Variants in ATP2B1 observed in about 807,000 individuals in gnomAD.
ATP2B1 encodes the protein plasma membrane calcium-transporting ATPase 1.
Under a neutral mutation model 124.2 loss-of-function variants are expected in ATP2B1, and 14 were observed. The observed-to-expected ratio is 0.11, with a 90% CI of 0.07 to 0.18. ATP2B1 has a LOEUF of 0.18. ATP2B1 is among the 10% of genes least tolerant of loss of function. The pLI, the probability that ATP2B1 is intolerant of heterozygous loss-of-function variation, is 1.00. For synonymous variants in ATP2B1, 449 were observed against 492.4 expected, an observed-to-expected ratio of 0.91 and a Z score of 1.17; for missense variants, 763 against 1,466.1, an observed-to-expected ratio of 0.52 and a Z score of 7.83.
At chr12:89,708,429 G>A (rs915306807) in intron 1 of ATP2B1, among the ~76,000 whole-genome samples, 167 bp downstream of exon 1, 2 of 152,194 alleles carry the variant, frequency 1.3e-5, no homozygotes, top group East Asian at 1.9e-4. Flanking sequence ...ACCTGCGAGG[G>A]GCCCCGACCG....
chr12:89,605,450 G>GC (rs1876659560), intron 15 of ATP2B1, among the ~76,000 whole-genome samples: 1 of 152,106 alleles, frequency 6.6e-6, no homozygotes, highest in African/African-American at 2.4e-5. Flanking sequence ...ACCCCCTCTT[G>GC]CTTTTGTGCT....
At chr12:89,667,874 T>A (rs1887500269) in intron 1 of ATP2B1, among the ~76,000 whole-genome samples, 1 of 152,130 alleles carries the variant, frequency 6.6e-6, no homozygotes, top group African/African-American at 2.4e-5. Context: ...TTTCACAGAA[T>A]TAGAAAAAAT....
intron 2 of ATP2B1, among the ~76,000 whole-genome samples, chr12:89,654,268 C>T (rs1885676333): frequency 6.6e-6 from 1 of 152,170 alleles, no homozygotes; most frequent in Admixed American, 6.5e-5. Flanking sequence ...AAATTACTGT[C>T]TATTCAAGTC....
chr12:89,590,848 T>A lies in ATP2B1; in HGVS notation c.*136A>T. On this transcript the variant is annotated 3_prime_UTR_variant, in exon 21 of 21. Coordinates refer to ENST00000428670, the MANE Select transcript of ATP2B1 (RefSeq NM_001366521.1). ...GCTTTTTTTTTTTTAAAAAAATAAA[T>A]CTACATTCGTACAAGTGTGTCTTCT... The A allele has an allele frequency of 1.1e-6, 1 of 912,390 alleles. No homozygotes were observed. The highest frequency in any genetic ancestry group is 1.6e-6 in the Non-Finnish European group (1 of 618,796). 56.5% of individuals were successfully genotyped at this position (912,390 alleles called of 1,614,324 possible).
At chr12:89,626,753 G>T in intron 7 of ATP2B1, 138 bp from the exon 8 acceptor site, 2 of 924,350 alleles carry the variant, frequency 2.2e-6, no homozygotes, top group Admixed American at 3.5e-5. Context: ...GTGTGTGTGT[G>T]TGTCTACACA....
intron 1 of ATP2B1, among the ~76,000 whole-genome samples, chr12:89,662,333 AAT>A (rs1225915307): frequency 6.6e-6 from 1 of 152,216 alleles, no homozygotes; most frequent in African/African-American, 2.4e-5. Context: ...GCTTGCATGT[AAT>A]ATCTCACTCT....
chr12:89,628,872 C>T (rs1411872788), intron 6 of ATP2B1, among the ~76,000 whole-genome samples: 2 of 152,086 alleles, frequency 1.3e-5, no homozygotes, highest in Non-Finnish European at 2.9e-5. Flanking sequence ...ACAGTCCAGG[C>T]CACTGAGGGA....
chr12:89,691,790 T>C (rs1890585925), intron 1 of ATP2B1, among the ~76,000 whole-genome samples: 2 of 152,172 alleles, frequency 1.3e-5, no homozygotes, highest in Non-Finnish European at 2.9e-5. Flanking sequence ...AGTCCACCCC[T>C]TTTTCCATGT....
intron 12 of ATP2B1, among the ~76,000 whole-genome samples, chr12:89,612,793 TC>T (rs1332064287): frequency 6.6e-6 from 1 of 152,230 alleles, no homozygotes; most frequent in African/African-American, 2.4e-5. Flanking sequence ...TTTACCTGAA[TC>T]TTCAATGAGC....
chr12:89,627,625 T>C (rs199809618), intron 7 of ATP2B1, 53 bp downstream of exon 7: 1 of 1,580,092 alleles, frequency 6.3e-7, no homozygotes, highest in Non-Finnish European at 8.7e-7. Context: ...ATACAGTAGA[T>C]TTTTGGATAT....
intron 1 of ATP2B1, among the ~76,000 whole-genome samples, chr12:89,703,416 T>C (rs1328612336): frequency 6.6e-6 from 1 of 152,228 alleles, no homozygotes; most frequent in South Asian, 2.1e-4. Flanking sequence ...TTGGAAGATC[T>C]ACTTGCTGTT....
chr12:89,659,090 TACA>T (rs1285243237), intron 1 of ATP2B1, among the ~76,000 whole-genome samples: 1 of 152,218 alleles, frequency 6.6e-6, no homozygotes, highest in Non-Finnish European at 1.5e-5. Flanking sequence ...ACTTGTTAGC[TACA>T]ACATGACAAT....
At chr12:89,653,874 T>A (rs1002215759) in intron 2 of ATP2B1, among the ~76,000 whole-genome samples, 7 of 152,292 alleles carry the variant, frequency 4.6e-5, no homozygotes, top group Non-Finnish European at 7.4e-5. Flanking sequence ...TATTCAGTTA[T>A]CAGAAGACAA....
rs1401984 is a variant in ATP2B1 at position 89,676,743 on chromosome 12, C to T, written c.-221-20636G>A. Among the ~76,000 whole-genome samples, 329 of 152,196 alleles carry T rather than the reference C, an allele frequency of 2.2e-3. 1 individual carries two copies. The highest frequency in any genetic ancestry group is 7.7e-3 in the African/African-American group (318 of 41,496). Reference sequence around the variant, plus strand: ...GTATAAAAATTGCAAATAGATACAGCTTATTCATTTTATAGCTGTGCCAAA... The same window carrying T: ...GTATAAAAATTGCAAATAGATACAGTTTATTCATTTTATAGCTGTGCCAAA... On this transcript the variant is annotated intron_variant, in intron 1 of 20. Transcript: ENST00000428670.
intron 1 of ATP2B1, 37 bp downstream of exon 1, chr12:89,708,543 AGGTGACCTGCCCCGCC>A (rs1463355099): frequency 6.8e-6 from 1 of 147,464 alleles, no homozygotes; most frequent in Non-Finnish European, 1.5e-5. Flanking sequence ...CCTCCCCCGC[AGGTGACCTGCCCCGCC>A]GCCCCCGGCC....
chr12:89,646,987 G>GT (rs1285352009), intron 2 of ATP2B1, among the ~76,000 whole-genome samples: 2 of 152,212 alleles, frequency 1.3e-5, no homozygotes, highest in East Asian at 3.8e-4. Flanking sequence ...GGGCTGCAAT[G>GT]TTTGTCTAAT....
intron 12 of ATP2B1, among the ~76,000 whole-genome samples, chr12:89,615,760 C>T (rs965592340): frequency 6.6e-5 from 10 of 152,234 alleles, no homozygotes; most frequent in East Asian, 1.9e-4. Context: ...CAATACAGTA[C>T]AGTAGTCTTT....
chr12:89,596,696 G>T (rs1374064662), intron 20 of ATP2B1, among the ~76,000 whole-genome samples: 1 of 152,046 alleles, frequency 6.6e-6, no homozygotes, highest in African/African-American at 2.4e-5. Context: ...CCAGGTGAAA[G>T]ATTTTCATGT....
At chr12:89,615,219 A>G (rs1878747079) in intron 12 of ATP2B1, among the ~76,000 whole-genome samples, 1 of 152,170 alleles carries the variant, frequency 6.6e-6, no homozygotes, top group South Asian at 2.1e-4. Context: ...ATCAGATTGC[A>G]ACTCAAATGC....
Sources: gnomAD v4.1 joint callset for allele counts (sites outside exome capture counted in the v4.1 genomes callset) on GRCh38, gnomAD v4.1.1 for gene constraint, MANE v1.5 for transcripts, NCBI Gene and HGNC (gene_info 2026-07-23, HGNC 2026-07-21) for gene names.